Variants in VPS13B observed in about 807,000 individuals in gnomAD.
VPS13B encodes the protein intermembrane lipid transfer protein VPS13B.
A neutral mutation model predicts 426.4 loss-of-function variants in VPS13B; 285 were observed. The observed-to-expected ratio is 0.67, with a 90% CI of 0.61 to 0.74. VPS13B has a LOEUF of 0.74. VPS13B is among the 30% of genes least tolerant of loss of function. The pLI is 0.00. For synonymous variants in VPS13B, 1,676 were observed against 1,676.4 expected, an observed-to-expected ratio of 1.00 and a Z score of 0.01; for missense variants, 4,537 against 4,782.6, an observed-to-expected ratio of 0.95 and a Z score of 1.51.
intron 35 of VPS13B, among the ~76,000 whole-genome samples, chr8:99,664,553 T>G (rs1830386378): frequency 1.3e-5 from 2 of 151,786 alleles, no homozygotes; most frequent in African/African-American, 4.8e-5. Context: ...CACCTGTGAG[T>G]GAGAACATGC....
At chr8:99,644,201 A>G (rs1036689715) in intron 34 of VPS13B, among the ~76,000 whole-genome samples, 1 of 152,172 alleles carries the variant, frequency 6.6e-6, no homozygotes, top group Non-Finnish European at 1.5e-5. Context: ...CAACCTAAGG[A>G]TACTCTGTAT....
chr8:99,214,446 T>G (rs372211218), intron 17 of VPS13B, among the ~76,000 whole-genome samples: 236 of 152,316 alleles, frequency 1.5e-3, no homozygotes, highest in African/African-American at 5.2e-3. Flanking sequence ...AACATACTTA[T>G]CAGATTTTTC....
intron 35 of VPS13B, among the ~76,000 whole-genome samples, chr8:99,685,065 G>T (rs2871953): frequency 0.088 from 13,460 of 152,230 alleles, 1,044 homozygotes; most frequent in African/African-American, 0.21. Flanking sequence ...CCTACCAAAG[G>T]GCTGGGATTA....
chr8:99,602,049 T>C (rs1827325156), intron 33 of VPS13B, among the ~76,000 whole-genome samples: 1 of 152,186 alleles, frequency 6.6e-6, no homozygotes, highest in African/African-American at 2.4e-5. Flanking sequence ...TTGCTTTTGG[T>C]GTTTTAGTCA....
chr8:99,566,412 T>A (rs1264819934), intron 31 of VPS13B, among the ~76,000 whole-genome samples: 1 of 151,826 alleles, frequency 6.6e-6, no homozygotes, highest in Non-Finnish European at 1.5e-5. Flanking sequence ...AAGCCCTAAA[T>A]AGCCAGTTTC....
At chr8:99,839,537 G>A (rs1199507721) in intron 54 of VPS13B, among the ~76,000 whole-genome samples, 1 of 152,212 alleles carries the variant, frequency 6.6e-6, no homozygotes, top group Non-Finnish European at 1.5e-5. Context: ...ACTGATGAGA[G>A]ATTTGAGGCT....
chr8:99,230,184 G>A (rs1173273733), intron 17 of VPS13B, among the ~76,000 whole-genome samples: 2 of 151,374 alleles, frequency 1.3e-5, no homozygotes, highest in African/African-American at 4.9e-5. Flanking sequence ...GGTTTTTTTT[G>A]CCTATTCATA....
At chr8:99,686,772 G>A (rs1383491551) in intron 35 of VPS13B, among the ~76,000 whole-genome samples, 1 of 151,954 alleles carries the variant, frequency 6.6e-6, no homozygotes, top group African/African-American at 2.4e-5. Context: ...CTCTGGCCCA[G>A]GGCAGCCCAG....
intron 19 of VPS13B, chr8:99,340,257 G>T: frequency 4.8e-6 from 1 of 208,506 alleles, no homozygotes. Context: ...TTGGAACCCA[G>T]AGTGCAGAGC....
At chr8:99,358,035 C>CA (rs35953815) in intron 19 of VPS13B, among the ~76,000 whole-genome samples, 68 of 147,970 alleles carry the variant, frequency 4.6e-4, no homozygotes, top group Admixed American at 1.4e-3. Flanking sequence ...CACACACACA[C>CA]CACACACACT....
chr8:99,601,540 G>T (rs181048418), intron 33 of VPS13B, among the ~76,000 whole-genome samples: 2 of 152,258 alleles, frequency 1.3e-5, no homozygotes, highest in East Asian at 3.9e-4. Context: ...GGGTCAAATG[G>T]TATTTCTGGT....
intron 33 of VPS13B, among the ~76,000 whole-genome samples, chr8:99,594,076 C>T (rs958514824): frequency 6.6e-6 from 1 of 151,178 alleles, no homozygotes; most frequent in Non-Finnish European, 1.5e-5. Flanking sequence ...TGAACTTAAA[C>T]GTTAAAGGAA....
At chr8:99,061,979 T>G (rs1281959737) in intron 3 of VPS13B, among the ~76,000 whole-genome samples, 2 of 152,244 alleles carry the variant, frequency 1.3e-5, no homozygotes, top group Non-Finnish European at 2.9e-5. Context: ...TTTGTGCTTC[T>G]GTGTACACAA....
At chr8:99,244,805 T>G (rs575787306) in intron 17 of VPS13B, among the ~76,000 whole-genome samples, 1 of 152,334 alleles carries the variant, frequency 6.6e-6, no homozygotes, top group Admixed American at 6.5e-5. Context: ...CTCATTAAAC[T>G]AAACAGGAAG....
chr8:99,155,412 T>C (rs919430742), intron 14 of VPS13B, among the ~76,000 whole-genome samples: 1 of 152,298 alleles, frequency 6.6e-6, no homozygotes, highest in Admixed American at 6.5e-5. Context: ...GCTACGTCTG[T>C]TGAGGATTTA....
intron 22 of VPS13B, among the ~76,000 whole-genome samples, chr8:99,440,433 A>G (rs1817625015): frequency 6.6e-6 from 1 of 152,120 alleles, no homozygotes. Flanking sequence ...AGTAATATAA[A>G]TCACTCAACA....
chr8:99,796,837 G>T (rs1812852886), intron 43 of VPS13B: 1 of 152,182 alleles, frequency 6.6e-6, no homozygotes, highest in Admixed American at 6.6e-5. Flanking sequence ...TCACCAACAA[G>T]CTAGCCAAGC....
At chr8:99,137,000 A>G (rs1810103762) in intron 12 of VPS13B, among the ~76,000 whole-genome samples, 1 of 152,176 alleles carries the variant, frequency 6.6e-6, no homozygotes, top group Non-Finnish European at 1.5e-5. Flanking sequence ...CATGTGTACC[A>G]TATATTATGA....
intron 24 of VPS13B, among the ~76,000 whole-genome samples, chr8:99,478,447 G>GTTTTTTTTTTTTTTTTTTTGTTTTT (rs56261645): frequency 1.2e-5 from 1 of 85,778 alleles, no homozygotes; most frequent in Non-Finnish European, 2.1e-5. Context: ...TTTTTGTTTT[G>GTTTTTTTTTTTTTTTTTTTGTTTTT]TTTTTTTTTT....
Sources: gnomAD v4.1 joint callset for allele counts (sites outside exome capture counted in the v4.1 genomes callset) on GRCh38, gnomAD v4.1.1 for gene constraint, MANE v1.5 for transcripts, NCBI Gene and HGNC (gene_info 2026-07-23, HGNC 2026-07-21) for gene names.